Variants in NKAIN3 observed in about 807,000 individuals in gnomAD.
The protein encoded by NKAIN3 is sodium/potassium-transporting ATPase subunit beta-1-interacting protein 3.
NKAIN3 carries 25 observed loss-of-function variants against 30.2 expected under a neutral mutation model. That is an observed-to-expected ratio of 0.83 (90% CI 0.60 to 1.16). NKAIN3 has a LOEUF of 1.16. NKAIN3 is among the 50% of genes most tolerant of loss of function. The pLI, the probability that NKAIN3 is intolerant of heterozygous loss-of-function variation, is 0.00. For synonymous variants in NKAIN3, 91 were observed against 89.6 expected, an observed-to-expected ratio of 1.02 and a Z score of -0.09; for missense variants, 225 against 254.1, an observed-to-expected ratio of 0.89 and a Z score of 0.78.
chr8:62,326,420 T>C (rs1815133539), intron 1 of NKAIN3, among the ~76,000 whole-genome samples: 1 of 151,972 alleles, frequency 6.6e-6, no homozygotes, highest in Non-Finnish European at 1.5e-5. Flanking sequence ...GTTTTTCCGA[T>C]GTTATCTTCT....
chr8:62,330,332 G>A (rs1341036023), intron 1 of NKAIN3, among the ~76,000 whole-genome samples: 1 of 151,988 alleles, frequency 6.6e-6, no homozygotes, highest in East Asian at 1.9e-4. Context: ...ACCATTCAGA[G>A]TATAAGCCAG....
chr8:62,344,696 A>G (rs888802206), intron 1 of NKAIN3: 6 of 241,744 alleles, frequency 2.5e-5, no homozygotes, highest in Middle Eastern at 8.9e-4. Context: ...TATGTTTTTT[A>G]TCCTGCAACC....
At chr8:62,538,616 G>A (rs1421620593) in intron 1 of NKAIN3, among the ~76,000 whole-genome samples, 1 of 152,112 alleles carries the variant, frequency 6.6e-6, no homozygotes, top group Non-Finnish European at 1.5e-5. Context: ...CAATTCTTGT[G>A]GGATTTCATG....
chr8:62,944,417 A>T (rs1235724962), intron 5 of NKAIN3, among the ~76,000 whole-genome samples: 1 of 152,200 alleles, frequency 6.6e-6, no homozygotes, highest in Non-Finnish European at 1.5e-5. Flanking sequence ...TTTAGAAATC[A>T]GCATTTTTAT....
intron 3 of NKAIN3, among the ~76,000 whole-genome samples, chr8:62,702,054 T>A (rs1056798878): frequency 6.6e-6 from 1 of 152,220 alleles, no homozygotes; most frequent in Non-Finnish European, 1.5e-5. Flanking sequence ...CCTTCGTGGC[T>A]TGATTTAGTT....
intron 3 of NKAIN3, among the ~76,000 whole-genome samples, chr8:62,713,623 T>A (rs571635521): frequency 6.6e-6 from 1 of 152,220 alleles, no homozygotes; most frequent in Non-Finnish European, 1.5e-5. Context: ...TATTATAAAC[T>A]GGACATCATT....
intron 1 of NKAIN3, among the ~76,000 whole-genome samples, chr8:62,556,761 T>C: frequency 6.6e-6 from 1 of 151,894 alleles, no homozygotes; most frequent in East Asian, 1.9e-4. Context: ...TATATTAATC[T>C]AAAAAGTGGC....
At chr8:62,558,940 G>C (rs914721091) in intron 1 of NKAIN3, among the ~76,000 whole-genome samples, 1 of 151,976 alleles carries the variant, frequency 6.6e-6, no homozygotes, top group Non-Finnish European at 1.5e-5. Flanking sequence ...TTTGAAGATA[G>C]CTTAATTAGA....
intron 3 of NKAIN3, among the ~76,000 whole-genome samples, chr8:62,731,234 G>GACACACACACACAC (rs67571816): frequency 7.0e-6 from 1 of 143,650 alleles, no homozygotes; most frequent in African/African-American, 2.6e-5. Flanking sequence ...GGGATCACAG[G>GACACACACACACAC]ACACACACAC....
At chr8:62,945,405 T>C (rs1823093810) in intron 5 of NKAIN3, among the ~76,000 whole-genome samples, 1 of 152,200 alleles carries the variant, frequency 6.6e-6, no homozygotes. Flanking sequence ...TACCTTTTTA[T>C]TAGTAGCTAT....
chr8:62,867,375 C>G (rs1820459473), intron 4 of NKAIN3, among the ~76,000 whole-genome samples: 1 of 152,002 alleles, frequency 6.6e-6, no homozygotes, highest in Non-Finnish European at 1.5e-5. Flanking sequence ...GTATAAAGCC[C>G]TCAACATAGT....
intron 1 of NKAIN3, among the ~76,000 whole-genome samples, chr8:62,399,408 A>G (rs1817865447): frequency 6.6e-6 from 1 of 152,110 alleles, no homozygotes; most frequent in South Asian, 2.1e-4. Context: ...TAGGAGGCTG[A>G]GGCAAGAGAG....
At chr8:62,877,977 T>C (rs1820850616) in intron 4 of NKAIN3, among the ~76,000 whole-genome samples, 1 of 147,538 alleles carries the variant, frequency 6.8e-6, no homozygotes, top group Non-Finnish European at 1.5e-5. Context: ...GAGGCAGAGG[T>C]TGTGGTGAGT....
At chr8:62,917,830 G>A (rs1265168990) in intron 4 of NKAIN3, among the ~76,000 whole-genome samples, 1 of 152,208 alleles carries the variant, frequency 6.6e-6, no homozygotes, top group East Asian at 1.9e-4. Context: ...CATAAATGCA[G>A]AGGTTAAATT....
intron 4 of NKAIN3, among the ~76,000 whole-genome samples, chr8:62,894,031 A>G (rs1821363548): frequency 6.6e-6 from 1 of 152,218 alleles, no homozygotes; most frequent in South Asian, 2.1e-4. Flanking sequence ...ATAATAGATT[A>G]AATGAATTGT....
chr8:62,825,360 A>G (rs531922579), intron 4 of NKAIN3, among the ~76,000 whole-genome samples: 33 of 152,332 alleles, frequency 2.2e-4, no homozygotes, highest in Admixed American at 1.0e-3. Flanking sequence ...AATCCATAAT[A>G]AATTGTGTAT....
At chr8:62,524,225 A>AATATATAT (rs5891861) in intron 1 of NKAIN3, among the ~76,000 whole-genome samples, 107 of 148,364 alleles carry the variant, frequency 7.2e-4, no homozygotes, top group African/African-American at 2.5e-3. Context: ...CCCCCACCAA[A>AATATATAT]ATATATATAT....
At chr8:62,382,678 C>T (rs549450310) in intron 1 of NKAIN3, among the ~76,000 whole-genome samples, 20 of 152,182 alleles carry the variant, frequency 1.3e-4, no homozygotes, top group Admixed American at 2.6e-4. Flanking sequence ...GGCACTGCTT[C>T]TTCTATGTCT....
chr8:62,441,585 T>A (rs1805327090), intron 1 of NKAIN3, among the ~76,000 whole-genome samples: 1 of 151,990 alleles, frequency 6.6e-6, no homozygotes, highest in African/African-American at 2.4e-5. Flanking sequence ...TATAGGTAAA[T>A]TTTTGAAAAT....
Sources: allele counts gnomAD v4.1 joint callset (sites outside exome capture counted in the v4.1 genomes callset), GRCh38; gene constraint gnomAD v4.1.1; transcripts MANE v1.5; gene names NCBI Gene and HGNC (gene_info 2026-07-23, HGNC 2026-07-21).